SH2D4A: variants seen among roughly 807,000 people sequenced by gnomAD.
SH2D4A encodes the protein SH2 domain containing 4A.
In SH2D4A, 70 loss-of-function variants were observed where a neutral mutation model predicts 64.7. The observed-to-expected ratio is 1.08, with a 90% CI of 0.89 to 1.32. SH2D4A has a LOEUF of 1.32. Among genes scored for constraint, SH2D4A ranks in the 40% most tolerant of loss-of-function variants. The pLI is 0.00. For synonymous variants in SH2D4A, 268 were observed against 200.7 expected (o/e 1.34, Z -2.83); for missense variants, 706 against 540.1 (o/e 1.31, Z -3.04).
intron 8 of SH2D4A, among the ~76,000 whole-genome samples, chr8:19,383,761 C>T (rs764625915): frequency 6.6e-6 from 1 of 151,976 alleles, no homozygotes; most frequent in Non-Finnish European, 1.5e-5. Flanking sequence ...TCATAATTTT[C>T]CGCATATATG....
intron 4 of SH2D4A, among the ~76,000 whole-genome samples, chr8:19,351,791 A>G (rs534455402): frequency 1.3e-5 from 2 of 151,920 alleles, no homozygotes; most frequent in East Asian, 3.9e-4. Flanking sequence ...TACCATTATT[A>G]TTATTATTTT....
chr8:19,388,518 T>C (rs1289168133), intron 8 of SH2D4A, among the ~76,000 whole-genome samples: 2 of 152,180 alleles, frequency 1.3e-5, no homozygotes, highest in Admixed American at 1.3e-4. Context: ...TCACCAATTA[T>C]TTGAGGATAA....
At chr8:19,349,038 G>A (rs1464447291) in intron 4 of SH2D4A, among the ~76,000 whole-genome samples, 1 of 152,086 alleles carries the variant, frequency 6.6e-6, no homozygotes, top group Non-Finnish European at 1.5e-5. Context: ...GGATTGAATC[G>A]GATAAAGAGA....
At chr8:19,385,747 C>T (rs1249049441) in intron 8 of SH2D4A, among the ~76,000 whole-genome samples, 3 of 152,166 alleles carry the variant, frequency 2.0e-5, no homozygotes, top group Non-Finnish European at 4.4e-5. Context: ...GAATAGGTTG[C>T]ATTAAGAAGG....
At chr8:19,345,914 A>C (rs2052606411) in intron 4 of SH2D4A, among the ~76,000 whole-genome samples, 1 of 152,230 alleles carries the variant, frequency 6.6e-6, no homozygotes, top group East Asian at 1.9e-4. Flanking sequence ...CATGAGAAGC[A>C]AATCTTGGGA....
intron 9 of SH2D4A, among the ~76,000 whole-genome samples, chr8:19,394,245 C>T (rs953082074): frequency 2.0e-5 from 3 of 152,196 alleles, no homozygotes; most frequent in African/African-American, 7.2e-5. Flanking sequence ...TGAAGCTTCA[C>T]TCCACTGCTC....
At chr8:19,361,637 A>G (rs2052890320) in intron 6 of SH2D4A, among the ~76,000 whole-genome samples, 2 of 152,226 alleles carry the variant, frequency 1.3e-5, no homozygotes, top group Admixed American at 6.5e-5. Flanking sequence ...TGGGGAAGAA[A>G]AAACACCATG....
At chr8:19,337,834 C>T (rs761859207) in intron 4 of SH2D4A, among the ~76,000 whole-genome samples, 9 of 152,184 alleles carry the variant, frequency 5.9e-5, no homozygotes, top group Non-Finnish European at 1.3e-4. Context: ...CCAGGTTCCT[C>T]CCACAACACA....
intron 1 of SH2D4A, among the ~76,000 whole-genome samples, chr8:19,318,182 G>A (rs2052123127): frequency 2.0e-5 from 3 of 152,210 alleles, no homozygotes; most frequent in Admixed American, 2.0e-4. Context: ...GGGATTACAG[G>A]CGTGAGCCAC....
At chr8:19,362,614 C>G (rs528151983) in intron 6 of SH2D4A, among the ~76,000 whole-genome samples, 3 of 152,138 alleles carry the variant, frequency 2.0e-5, no homozygotes, top group African/African-American at 7.2e-5. Flanking sequence ...GTGGCGTACA[C>G]CTGTAGTCCC....
chr8:19,379,815 C>T (rs1451195795), intron 8 of SH2D4A, among the ~76,000 whole-genome samples: 3 of 152,158 alleles, frequency 2.0e-5, no homozygotes, highest in South Asian at 4.1e-4. Context: ...GAGCTCACTG[C>T]AGTCTCAAAC....
At chr8:19,366,022 A>C (rs953634570) in intron 7 of SH2D4A, among the ~76,000 whole-genome samples, 2 of 152,180 alleles carry the variant, frequency 1.3e-5, no homozygotes, top group Non-Finnish European at 2.9e-5. Flanking sequence ...GTACAACTAT[A>C]TATATATATA....
Position 19,396,120 on chromosome 8 carries a change from TTTTTCTTGGAG to T in SH2D4A, c.*1479_*1489del, listed in dbSNP as rs1228531923. ...GGTGGCTCTGAGCCACTGGAGATCA[TTTTTCTTGGAG>T]GATGGAGATTGGCTAGTACCTCTGG... On this transcript the variant is annotated 3_prime_UTR_variant, in exon 10 of 10. Coordinates refer to ENST00000265807, the MANE Select transcript of SH2D4A (RefSeq NM_022071.4). The T allele has an allele frequency of 6.6e-6, 1 of 152,184 alleles. No individual in the cohort carries two copies. The highest frequency in any genetic ancestry group is 2.4e-5 in the African/African-American group (1 of 41,426). The allele number at this position is 152,184 out of a possible 1,614,324, so 9.4% of individuals were successfully genotyped here.
At chr8:19,370,488 CCTT>C (rs1242468075) in intron 7 of SH2D4A, among the ~76,000 whole-genome samples, 4 of 151,822 alleles carry the variant, frequency 2.6e-5, no homozygotes, top group African/African-American at 9.7e-5. Context: ...TGTATACTGG[CCTT>C]CTTTGTCTCT....
chr8:19,330,772 A>G (rs1045141317), intron 2 of SH2D4A, among the ~76,000 whole-genome samples: 1 of 152,182 alleles, frequency 6.6e-6, no homozygotes, highest in African/African-American at 2.4e-5. Context: ...GCTGTCAAAA[A>G]AAAAATACCG....
At chr8:19,369,626 T>A (rs2053060224) in intron 7 of SH2D4A, among the ~76,000 whole-genome samples, 1 of 152,112 alleles carries the variant, frequency 6.6e-6, no homozygotes, top group South Asian at 2.1e-4. Flanking sequence ...GACATACAGT[T>A]GTTGATAATA....
intron 9 of SH2D4A, 61 bp downstream of exon 9, chr8:19,393,602 A>G (rs2053535811): frequency 7.9e-6 from 12 of 1,512,110 alleles, no homozygotes; most frequent in East Asian, 2.3e-5. Flanking sequence ...AGCTCTAACA[A>G]TGAATGACAA....
intron 3 of SH2D4A, among the ~76,000 whole-genome samples, chr8:19,334,450 A>G (rs1408078301): frequency 2.0e-5 from 3 of 152,160 alleles, no homozygotes; most frequent in African/African-American, 4.8e-5. Context: ...GATGAATTAC[A>G]AAATTTCTTG....
chr8:19,373,462 A>G, intron 7 of SH2D4A, 68 bp from the exon 8 acceptor site: 1 of 1,051,298 alleles, frequency 9.5e-7, no homozygotes, highest in South Asian at 2.0e-5. Context: ...ATATATATAT[A>G]TATGACTTTT....
Sources: gnomAD v4.1 joint callset for allele counts (sites outside exome capture counted in the v4.1 genomes callset) on GRCh38, gnomAD v4.1.1 for gene constraint, MANE v1.5 for transcripts, NCBI Gene and HGNC (gene_info 2026-07-23, HGNC 2026-07-21) for gene names.